Variants in KCND2 observed in about 807,000 individuals in gnomAD.
KCND2 encodes A-type voltage-gated potassium channel KCND2.
In KCND2, 16 loss-of-function variants were observed where a neutral mutation model predicts 54.4. That is an observed-to-expected ratio of 0.29 (90% CI 0.20 to 0.45). The LOEUF is 0.45. KCND2 is among the 20% of genes least tolerant of loss of function. The probability of loss-of-function intolerance (pLI) is 1.00; values close to 1 mark genes in which losing one functional copy is unlikely to be tolerated. For missense variants in KCND2, 486 were observed against 824.2 expected (o/e 0.59, Z 5.02); for synonymous variants, 317 against 310.7 (o/e 1.02, Z -0.21).
intron 1 of KCND2, among the ~76,000 whole-genome samples, chr7:120,416,028 C>G (rs1409178480): frequency 6.6e-6 from 1 of 152,158 alleles, no homozygotes; most frequent in East Asian, 1.9e-4. Context: ...GTAACTGTTT[C>G]TCCACATTTC....
chr7:120,323,432 C>A (rs1383739326), intron 1 of KCND2, among the ~76,000 whole-genome samples: 1 of 151,786 alleles, frequency 6.6e-6, no homozygotes, highest in Non-Finnish European at 1.5e-5. Context: ...GTATCTCCCA[C>A]TGCTATCCCT....
intron 1 of KCND2, among the ~76,000 whole-genome samples, chr7:120,674,341 T>C (rs746862745): frequency 1.2e-4 from 19 of 152,192 alleles, no homozygotes; most frequent in Non-Finnish European, 2.5e-4. Flanking sequence ...TTGTGTATAT[T>C]AGTTCCCTAT....
At chr7:120,517,494 A>C (rs1277798281) in intron 1 of KCND2, among the ~76,000 whole-genome samples, 2 of 152,108 alleles carry the variant, frequency 1.3e-5, no homozygotes, top group African/African-American at 4.8e-5. Flanking sequence ...TAATGGTGAA[A>C]AAGTATAGGA....
intron 1 of KCND2, among the ~76,000 whole-genome samples, chr7:120,574,351 A>G (rs117103063): frequency 0.011 from 1,630 of 152,318 alleles, 20 homozygotes; most frequent in Middle Eastern, 0.027. Flanking sequence ...CTTGGATATC[A>G]TATGTGAAAG....
In KCND2 at chr7:120,748,139, C is replaced by A; in HGVS notation, c.*281C>A. The A allele has an allele frequency of 4.2e-6, 1 of 237,552 alleles. No individual in the cohort carries two copies. 14.7% of individuals were successfully genotyped at this position (237,552 alleles called of 1,614,324 possible). Reference sequence around the variant, plus strand: ...ACTGATGCTTCTTATGATCAGAACTCTTTTTTAATAAAATAAATAACATAA... The same window carrying A: ...ACTGATGCTTCTTATGATCAGAACTATTTTTTAATAAAATAAATAACATAA... On this transcript the variant is annotated 3_prime_UTR_variant, in exon 6 of 6. Coordinates refer to ENST00000331113, the MANE Select transcript of KCND2 (RefSeq NM_012281.3).
At chr7:120,332,633 G>C (rs1176011199) in intron 1 of KCND2, among the ~76,000 whole-genome samples, 1 of 152,072 alleles carries the variant, frequency 6.6e-6, no homozygotes, top group African/African-American at 2.4e-5. Flanking sequence ...CCAATTTGGA[G>C]CTTCTTTTAA....
intron 1 of KCND2, among the ~76,000 whole-genome samples, chr7:120,462,839 A>C (rs1715711119): frequency 6.6e-6 from 1 of 152,032 alleles, no homozygotes; most frequent in African/African-American, 2.4e-5. Context: ...ATACCACTAC[A>C]GTTGATTTTT....
chr7:120,481,029 C>G (rs1427606325), intron 1 of KCND2, among the ~76,000 whole-genome samples: 2 of 152,148 alleles, frequency 1.3e-5, no homozygotes, highest in African/African-American at 4.8e-5. Flanking sequence ...ACGTCTAAAT[C>G]TTCTTAGAGA....
At chr7:120,649,571 G>A (rs1791699756) in intron 1 of KCND2, among the ~76,000 whole-genome samples, 1 of 152,094 alleles carries the variant, frequency 6.6e-6, no homozygotes, top group Admixed American at 6.5e-5. Flanking sequence ...CTCTTGAGAA[G>A]TGTCTGTACA....
At chr7:120,611,900 GT>G (rs1209989546) in intron 1 of KCND2, among the ~76,000 whole-genome samples, 1 of 152,178 alleles carries the variant, frequency 6.6e-6, no homozygotes, top group Non-Finnish European at 1.5e-5. Flanking sequence ...GGCTCATGGT[GT>G]TTAGACTCCA....
intron 1 of KCND2, among the ~76,000 whole-genome samples, chr7:120,698,781 A>G (rs758345636): frequency 4.6e-5 from 7 of 152,204 alleles, no homozygotes; most frequent in Non-Finnish European, 1.0e-4. Context: ...AGATTCTGCT[A>G]TGTATTTCAT....
At chr7:120,477,891 C>G (rs1354008766) in intron 1 of KCND2, among the ~76,000 whole-genome samples, 1 of 152,138 alleles carries the variant, frequency 6.6e-6, no homozygotes, top group Non-Finnish European at 1.5e-5. Flanking sequence ...AAACTGAAGT[C>G]AAAACTGGTA....
At chr7:120,477,973 T>G (rs1373166978) in intron 1 of KCND2, among the ~76,000 whole-genome samples, 3 of 152,140 alleles carry the variant, frequency 2.0e-5, no homozygotes, top group African/African-American at 7.2e-5. Context: ...TGTTTTTCTC[T>G]TCAAAATTCT....
chr7:120,635,344 G>A (rs1793291013), intron 1 of KCND2, among the ~76,000 whole-genome samples: 1 of 152,216 alleles, frequency 6.6e-6, no homozygotes, highest in African/African-American at 2.4e-5. Context: ...GAACTATTGA[G>A]AGGACTGCAA....
chr7:120,434,329 TG>T (rs1801835947), intron 1 of KCND2, among the ~76,000 whole-genome samples: 1 of 152,164 alleles, frequency 6.6e-6, no homozygotes, highest in Non-Finnish European at 1.5e-5. Flanking sequence ...GTCCCCTTTG[TG>T]GTGTGGGTAA....
intron 1 of KCND2, among the ~76,000 whole-genome samples, chr7:120,376,580 A>G (rs567020721): frequency 6.6e-6 from 1 of 151,324 alleles, no homozygotes; most frequent in Non-Finnish European, 1.5e-5. Context: ...ATTATAAAAT[A>G]TAAAAATACA....
chr7:120,287,158 T>C (rs1799357790), intron 1 of KCND2, among the ~76,000 whole-genome samples: 1 of 152,072 alleles, frequency 6.6e-6, no homozygotes, highest in African/African-American at 2.4e-5. Flanking sequence ...ACAAAATATT[T>C]AGAAATATTT....
chr7:120,459,217 A>G (rs761492443), intron 1 of KCND2, among the ~76,000 whole-genome samples: 1 of 152,026 alleles, frequency 6.6e-6, no homozygotes, highest in Non-Finnish European at 1.5e-5. Context: ...CTCCAGCCAC[A>G]GTTGCTCCCT....
At chr7:120,723,990 G>A (rs1357473339) in intron 1 of KCND2, among the ~76,000 whole-genome samples, 1 of 152,156 alleles carries the variant, frequency 6.6e-6, no homozygotes, top group Non-Finnish European at 1.5e-5. Context: ...TGGTGACATG[G>A]TTTTGGGCCT....
Sources: allele counts gnomAD v4.1 joint callset (sites outside exome capture counted in the v4.1 genomes callset), GRCh38; gene constraint gnomAD v4.1.1; transcripts MANE v1.5; gene names NCBI Gene and HGNC (gene_info 2026-07-23, HGNC 2026-07-21).